The following ECRG4 variants were observed in gnomAD, a reference collection of about 807,000 sequenced individuals.
ECRG4 encodes augurin.
Under a neutral mutation model 15.8 loss-of-function variants are expected in ECRG4, and 18 were observed. The observed-to-expected ratio is 1.14, with a 90% CI of 0.79 to 1.69. ECRG4 has a LOEUF of 1.69. ECRG4 is among the 40% of genes most tolerant of loss of function. The probability of loss-of-function intolerance (pLI) is 0.00; values close to 1 mark genes in which losing one functional copy is unlikely to be tolerated. For missense variants in ECRG4, 200 were observed against 190.9 expected (o/e 1.05, Z -0.28); for synonymous variants, 82 against 73.9 (o/e 1.11, Z -0.56).
At chr2:106,063,285 C>A (rs1309162366), upstream of ECRG4, 2 of 152,208 alleles carry the variant, frequency 1.3e-5, no homozygotes, top group African/African-American at 4.8e-5. Context: ...AGGGCCTGAC[C>A]AGACACCAAA....
chr2:106,064,384 G>T (rs761249301), upstream of ECRG4: 1 of 152,156 alleles, frequency 6.6e-6, no homozygotes, highest in Non-Finnish European at 1.5e-5. Flanking sequence ...CCACTGGAGG[G>T]TATAAAAATA....
rs796671499 is a variant in ECRG4 at position 106,067,074 on chromosome 2, G to C, written c.79+1231G>C. Among the ~76,000 whole-genome samples, 207 of 90,458 alleles carry C rather than the reference G, an allele frequency of 2.3e-3. 20 individuals carry two copies. Among genetic ancestry groups the C allele is most frequent in the African/African-American group, 8.3e-3 (196 of 23,596 alleles). The allele number at this position is 90,458 out of a possible 152,430, so 59.3% of individuals were successfully genotyped here. A position where few individuals can be genotyped will look rare whatever the true frequency, so the allele number is the denominator to read the frequency against. On this transcript the variant is annotated intron_variant, in intron 1 of 3. Coordinates refer to ENST00000238044, the MANE Select transcript of ECRG4 (RefSeq NM_032411.3). ...TTTGGGAGGCCGGGGGGGGGGGGGG[G>C]GCAGATCACCTGAGGTCGGGGGTTC... is the stretch of plus-strand genomic sequence containing the variant.
rs759236144 is a variant in ECRG4, at chr2:106,065,807, G to C, written c.43G>C (p.Gly15Arg). ...PARPAVLALT[G>R]LALLLLLCWG... is the part of the protein sequence containing the mutation. ...GCGGCCTGCTGTCCTGGCCCTGACC[G>C]GGCTGGCGCTGCTCCTGCTCCTGTG... The change falls in exon 1 of 4, where the codon GGG becomes CGG. Residue 15 changes from glycine to arginine, a missense_variant. Coordinates refer to ENST00000238044, the MANE Select transcript of ECRG4 (RefSeq NM_032411.3). The C allele has an allele frequency of 4.7e-6, 7 of 1,484,446 alleles. No individual in the cohort carries two copies. The Admixed American group carries it at 7.0e-5, about 15-fold the overall frequency. 92.0% of individuals were successfully genotyped at this position (1,484,446 alleles called of 1,614,324 possible).
At chr2:106,066,893 C>T (rs1253748570) in intron 1 of ECRG4, among the ~76,000 whole-genome samples, 3 of 152,094 alleles carry the variant, frequency 2.0e-5, no homozygotes, top group Non-Finnish European at 4.4e-5. Flanking sequence ...GAGGTCTGTT[C>T]AGGTGGGGAG....
chr2:106,063,873 T>C (rs1267184844), upstream of ECRG4, among the ~76,000 whole-genome samples: 1 of 152,150 alleles, frequency 6.6e-6, no homozygotes, highest in Non-Finnish European at 1.5e-5. Context: ...TGAGCCACCA[T>C]GATCCCCCTT....
intron 1 of ECRG4, chr2:106,071,102 G>C: frequency 2.2e-6 from 1 of 452,838 alleles, no homozygotes; most frequent in Non-Finnish European, 4.5e-6. Context: ...ATTTTAGGGT[G>C]ATCTGGGCAA....
In ECRG4 at chr2:106,077,990, C is replaced by T. The variant is rs1676522658; in HGVS notation, c.*64C>T. ...ATTCTCTTCATGTATCTCCTAATGC[C>T]TTACACTACTTGGTTTCTGATTTGC... is the stretch of plus-strand genomic sequence containing the variant. On this transcript the variant is annotated 3_prime_UTR_variant, in exon 4 of 4. Transcript: ENST00000238044. 6.9e-7 allele frequency: 1 copy of T among 1,458,698 alleles called. No homozygotes were observed. Among genetic ancestry groups the T allele is most frequent in the East Asian group, 2.4e-5 (1 of 41,610 alleles). The allele number at this position is 1,458,698 out of a possible 1,614,324, so 90.4% of individuals were successfully genotyped here. A position where few individuals can be genotyped will look rare whatever the true frequency, so the allele number is the denominator to read the frequency against.
At chr2:106,073,834 G>A (rs10187662) in intron 2 of ECRG4, 52 bp from the exon 3 acceptor site, 2 of 1,589,736 alleles carry the variant, frequency 1.3e-6, no homozygotes, top group South Asian at 1.1e-5. Flanking sequence ...CACCGCAAGT[G>A]AGGAAGGAAG....
chr2:106,076,829 T>C (rs1676496796), intron 3 of ECRG4, among the ~76,000 whole-genome samples: 1 of 152,178 alleles, frequency 6.6e-6, no homozygotes, highest in Non-Finnish European at 1.5e-5. Context: ...GCATGACCCG[T>C]TCACCCAGCC....
chr2:106,077,106 A>T (rs2104800364), intron 3 of ECRG4, among the ~76,000 whole-genome samples: 1 of 152,240 alleles, frequency 6.6e-6, no homozygotes, highest in East Asian at 1.9e-4. Flanking sequence ...GTCACTCAGG[A>T]ACAGTAGGCT....
At chr2:106,074,296 C>A (rs1676437744) in intron 3 of ECRG4, 1 of 422,858 alleles carries the variant, frequency 2.4e-6, no homozygotes, top group Non-Finnish European at 4.3e-6. Context: ...ACAGCGGGGA[C>A]CTAGATTCAT....
intron 3 of ECRG4, among the ~76,000 whole-genome samples, chr2:106,075,308 T>A (rs1573364084): frequency 6.6e-6 from 1 of 152,272 alleles, no homozygotes. Flanking sequence ...TTCAGCAGCA[T>A]CTGGTGTTCT....
At chr2:106,065,575 C>T (rs181959405), upstream of ECRG4, 2,175 of 416,720 alleles carry the variant, frequency 5.2e-3, 35 homozygotes, top group African/African-American at 0.041. Context: ...TGGTACTCGC[C>T]CGTGCGCTGG....
At chr2:106,077,712 G>A in intron 3 of ECRG4, 53 bp from the exon 4 acceptor site, 1 of 1,524,864 alleles carries the variant, frequency 6.6e-7, no homozygotes, top group Non-Finnish European at 9.0e-7. Context: ...TAGGTCTTAG[G>A]GGACTGCATG....
At chr2:106,065,913 G>T (rs1449077495) in intron 1 of ECRG4, 70 bp downstream of exon 1, 3 of 1,328,250 alleles carry the variant, frequency 2.3e-6, no homozygotes, top group Non-Finnish European at 3.0e-6. Flanking sequence ...CTTCCATGGT[G>T]CCCGGGGAGA....
At chr2:106,067,530 C>T (rs1676252517) in intron 1 of ECRG4, among the ~76,000 whole-genome samples, 2 of 151,018 alleles carry the variant, frequency 1.3e-5, no homozygotes, top group African/African-American at 2.4e-5. Context: ...AGTGTAATGG[C>T]GTGACCTTGG....
chr2:106,076,287 C>T (rs1331242524), intron 3 of ECRG4, among the ~76,000 whole-genome samples: 1 of 152,102 alleles, frequency 6.6e-6, no homozygotes, highest in Non-Finnish European at 1.5e-5. Context: ...TGCCACTTCA[C>T]TCCAGCCTGG....
At chr2:106,067,043 C>A (rs934707247) in intron 1 of ECRG4, among the ~76,000 whole-genome samples, 3 of 74,008 alleles carry the variant, frequency 4.1e-5, no homozygotes, top group African/African-American at 5.6e-5. Context: ...CCTGTAATCC[C>A]AGCACTTTGG....
intron 1 of ECRG4, among the ~76,000 whole-genome samples, chr2:106,067,654 T>TTGTTTG (rs57436864): frequency 6.6e-6 from 1 of 151,634 alleles, no homozygotes; most frequent in Non-Finnish European, 1.5e-5. Flanking sequence ...GTTTTTGTTT[T>TTGTTTG]GTATTTTTAG....
Sources: gnomAD v4.1 joint callset for allele counts (sites outside exome capture counted in the v4.1 genomes callset) on GRCh38, gnomAD v4.1.1 for gene constraint, MANE v1.5 for transcripts, NCBI Gene and HGNC (gene_info 2026-07-23, HGNC 2026-07-21) for gene names.